The following SDCCAG8 variants were observed in gnomAD, a reference collection of about 807,000 sequenced individuals.
The protein encoded by SDCCAG8 is serologically defined colon cancer antigen 8.
A neutral mutation model predicts 101.8 loss-of-function variants in SDCCAG8; 74 were observed. The ratio of observed to expected loss-of-function variants is 0.73; its 90% CI spans 0.60 to 0.88. The LOEUF is 0.88. Ranked by LOEUF, SDCCAG8 falls within the 40% of genes least tolerant of loss-of-function variation. The pLI, the probability that SDCCAG8 is intolerant of heterozygous loss-of-function variation, is 0.00. For missense variants in SDCCAG8, 787 were observed against 822.6 expected, an observed-to-expected ratio of 0.96 and a Z score of 0.53; for synonymous variants, 281 against 292.9, an observed-to-expected ratio of 0.96 and a Z score of 0.41.
chr1:243,356,213 A>G (rs1411775316), intron 12 of SDCCAG8, among the ~76,000 whole-genome samples: 1 of 152,174 alleles, frequency 6.6e-6, no homozygotes, highest in African/African-American at 2.4e-5. Context: ...TTAAATCTAT[A>G]TGTAGATATA....
chr1:243,391,075 A>G (rs2078669797), intron 13 of SDCCAG8, among the ~76,000 whole-genome samples: 1 of 152,186 alleles, frequency 6.6e-6, no homozygotes, highest in Non-Finnish European at 1.5e-5. Context: ...CTGGGATGAC[A>G]TGTGCGTGCC....
chr1:243,488,765 T>A (rs1465308089), intron 16 of SDCCAG8, among the ~76,000 whole-genome samples: 1 of 152,142 alleles, frequency 6.6e-6, no homozygotes, highest in Non-Finnish European at 1.5e-5. Context: ...TTACCCCACT[T>A]ATCTGCGTGT....
At chr1:243,358,703 A>G (rs1428135970) in intron 12 of SDCCAG8, among the ~76,000 whole-genome samples, 2 of 152,158 alleles carry the variant, frequency 1.3e-5, no homozygotes, top group East Asian at 3.9e-4. Context: ...CAATACCCCA[A>G]ATGTCTATCA....
intron 16 of SDCCAG8, among the ~76,000 whole-genome samples, chr1:243,480,134 G>A (rs1275369843): frequency 1.3e-5 from 2 of 151,006 alleles, no homozygotes; most frequent in Non-Finnish European, 1.5e-5. Context: ...CAGGGCTGCA[G>A]TTTTGTTTAG....
intron 13 of SDCCAG8, among the ~76,000 whole-genome samples, chr1:243,388,820 G>A (rs764144576): frequency 2.2e-4 from 33 of 151,512 alleles, no homozygotes; most frequent in Non-Finnish European, 3.2e-4. Context: ...GAGGCTACGT[G>A]GTGGTGCGTG....
chr1:243,275,196 G>A (rs139275191), intron 4 of SDCCAG8, among the ~76,000 whole-genome samples: 151 of 152,142 alleles, frequency 9.9e-4, no homozygotes, highest in African/African-American at 2.8e-3. Context: ...GCTCAACTGC[G>A]TGCAGTTTGC....
At chr1:243,431,080 C>T (rs962258073) in intron 16 of SDCCAG8, among the ~76,000 whole-genome samples, 2 of 152,064 alleles carry the variant, frequency 1.3e-5, no homozygotes, top group African/African-American at 4.8e-5. Flanking sequence ...GCCTGTAATC[C>T]TAGCTACTCG....
intron 12 of SDCCAG8, among the ~76,000 whole-genome samples, chr1:243,377,613 T>G (rs866570566): frequency 1.5e-4 from 23 of 152,076 alleles, no homozygotes; most frequent in Non-Finnish European, 2.9e-4. Flanking sequence ...AAAATGTAAA[T>G]GAATTATTTA....
chr1:243,444,347 A>G (rs972959982), intron 16 of SDCCAG8, among the ~76,000 whole-genome samples: 1 of 151,744 alleles, frequency 6.6e-6, no homozygotes, highest in African/African-American at 2.4e-5. Flanking sequence ...CTGTTGCGGC[A>G]CTAAAGTTTT....
At chr1:243,270,005 G>T in intron 1 of SDCCAG8, 100 bp from the exon 2 acceptor site, 1 of 1,533,114 alleles carries the variant, frequency 6.5e-7, no homozygotes, top group Non-Finnish European at 9.0e-7. Context: ...TAAAGTACGA[G>T]AAATAATGAT....
At chr1:243,339,457 A>T (rs190821926) in intron 10 of SDCCAG8, among the ~76,000 whole-genome samples, 4 of 152,308 alleles carry the variant, frequency 2.6e-5, no homozygotes, top group Admixed American at 1.3e-4. Flanking sequence ...TTTTGATGTT[A>T]TATTTAACTT....
intron 16 of SDCCAG8, among the ~76,000 whole-genome samples, chr1:243,471,985 G>A (rs542406086): frequency 6.6e-6 from 1 of 152,298 alleles, no homozygotes; most frequent in East Asian, 1.9e-4. Context: ...CAGGTTCTCA[G>A]GCCATTCTTA....
chr1:243,263,378 G>A (rs1050922165), intron 1 of SDCCAG8, among the ~76,000 whole-genome samples: 7 of 152,186 alleles, frequency 4.6e-5, no homozygotes, highest in African/African-American at 1.2e-4. Flanking sequence ...GAGAAATCAC[G>A]ATCTAGAAGT....
intron 12 of SDCCAG8, among the ~76,000 whole-genome samples, chr1:243,366,937 G>A (rs978108219): frequency 2.6e-5 from 4 of 152,036 alleles, no homozygotes; most frequent in African/African-American, 7.2e-5. Context: ...CACATAGTAT[G>A]TGCTCAAAAA....
intron 13 of SDCCAG8, among the ~76,000 whole-genome samples, chr1:243,390,107 A>G (rs374231661): frequency 6.6e-6 from 1 of 152,174 alleles, no homozygotes; most frequent in African/African-American, 2.4e-5. Flanking sequence ...GGATATTATA[A>G]CATTGATGTA....
intron 12 of SDCCAG8, among the ~76,000 whole-genome samples, chr1:243,345,819 C>T (rs1451225398): frequency 6.6e-6 from 1 of 152,194 alleles, no homozygotes. Context: ...TATTAAATCT[C>T]ATTTTAATTA....
intron 5 of SDCCAG8, 43 bp downstream of exon 5, chr1:243,286,440 A>G: frequency 1.2e-6 from 2 of 1,605,468 alleles, no homozygotes; most frequent in Non-Finnish European, 1.7e-6. Context: ...TAGTGTGAAT[A>G]TTCCCTTCTG....
intron 16 of SDCCAG8, among the ~76,000 whole-genome samples, chr1:243,462,914 T>A (rs1659423032): frequency 1.3e-5 from 2 of 152,166 alleles, no homozygotes; most frequent in South Asian, 4.1e-4. Flanking sequence ...AGTATATGAC[T>A]GCCACACATG....
At chr1:243,405,972 T>C (rs746838460) in intron 13 of SDCCAG8, among the ~76,000 whole-genome samples, 10 of 152,076 alleles carry the variant, frequency 6.6e-5, no homozygotes, top group Non-Finnish European at 1.2e-4. Flanking sequence ...TATGCTACAA[T>C]TTGCTAATAA....
Sources: gnomAD v4.1 joint callset for allele counts (sites outside exome capture counted in the v4.1 genomes callset) on GRCh38, gnomAD v4.1.1 for gene constraint, MANE v1.5 for transcripts, NCBI Gene and HGNC (gene_info 2026-07-23, HGNC 2026-07-21) for gene names.